The following OR6N2 variants were observed in gnomAD, a reference collection of about 807,000 sequenced individuals.
OR6N2 encodes olfactory receptor family 6 subfamily N member 2.
For synonymous variants in OR6N2, 160 were observed against 138.3 expected, an observed-to-expected ratio of 1.16 and a Z score of -1.10; for missense variants, 399 against 379.7, an observed-to-expected ratio of 1.05 and a Z score of -0.42.
In OR6N2 at chr1:158,776,723, T is replaced by C. The variant is rs140258151; in HGVS notation, c.913A>G (p.Ile305Val). ...KEIIKAIKRT[I>V]FQKGDKASLA... is the part of the protein sequence containing the mutation. ...CTAGCTTTATCTCCCTTCTGGAAGA[T>C]GGTCCTCTTGATAGCTTTAATGATT... The change falls in exon 2 of 2, where the codon ATC becomes GTC. Residue 305 changes from isoleucine to valine, a missense_variant. By Grantham distance (29) the Ile-to-Val change is conservative. Coordinates refer to ENST00000641131, the MANE Select transcript of OR6N2 (RefSeq NM_001005278.2). The C allele has an allele frequency of 1.6e-5, 26 of 1,612,346 alleles. No homozygotes were observed. The highest frequency in any genetic ancestry group is 2.0e-5 in the Non-Finnish European group (24 of 1,179,100).
At position 158,776,944 on chromosome 1, in the gene OR6N2, G is replaced by T. The variant is rs1415795693; in HGVS notation, c.692C>A (p.Ala231Glu). 8 of 1,613,902 alleles carry T rather than the reference G, an allele frequency of 5.0e-6. No individual in the cohort carries two copies. Among genetic ancestry groups the T allele is most frequent in the Non-Finnish European group, 5.9e-6 (7 of 1,179,956 alleles). The change falls in exon 2 of 2, where the codon GCA becomes GAA. Residue 231 changes from alanine (A) to glutamate (E), a missense_variant. Physicochemically the swap from Ala to Glu is moderately radical, Grantham distance 107. Coordinates refer to ENST00000641131, the MANE Select transcript of OR6N2 (RefSeq NM_001005278.2). ...IIGAVLKIKT[A>E]SGRKKAFSTC... ...AGAAAAGGCCTTCTTTCTTCCTGAT[G>T]CTGTTTTTATCTTCAGCACAGCCCC... is the stretch of plus-strand genomic sequence containing the variant.
At chr1:158,777,711 T>A (rs1332138467) in intron 1 of OR6N2, 70 bp from the exon 2 acceptor site, 9 of 828,672 alleles carry the variant, frequency 1.1e-5, no homozygotes, top group South Asian at 9.1e-5. Context: ...AAACTTCATT[T>A]CTCTCTCTCT....
At chr1:158,780,345 G>T (rs899335027) in intron 1 of OR6N2, among the ~76,000 whole-genome samples, 8 of 152,140 alleles carry the variant, frequency 5.3e-5, no homozygotes, top group Non-Finnish European at 4.4e-5. Flanking sequence ...GCACCCTAAA[G>T]GCCTCTGGAC....
In OR6N2 at chr1:158,777,422, A is replaced by G; in HGVS notation, c.214T>C (p.Trp72Arg). 1 of 1,614,196 alleles carries G rather than the reference A, an allele frequency of 6.2e-7. No homozygotes were observed. Among genetic ancestry groups the G allele is most frequent in the African/African-American group, 1.3e-5 (1 of 75,060 alleles). ...TTAGGGATAGTGGTAGCTGTATACC[A>G]CAACTCCAAGAAGGAAAGAACACTG... ...FVSVLSFLEL[W>R]YTATTIPKML... The change falls in exon 2 of 2, where the codon TGG becomes CGG. Residue 72 changes from tryptophan to arginine, a missense_variant. Physicochemically the swap from Trp to Arg is moderately radical, Grantham distance 101 (BLOSUM62 -3). Coordinates refer to ENST00000641131, the MANE Select transcript of OR6N2 (RefSeq NM_001005278.2).
At position 158,776,811 on chromosome 1, in the gene OR6N2, A is replaced by G; in HGVS notation, c.825T>C (p.Ala275=). 4 of 1,614,134 alleles carry G rather than the reference A, an allele frequency of 2.5e-6. No individual in the cohort carries two copies. The highest frequency in any genetic ancestry group is 3.4e-6 in the Non-Finnish European group (4 of 1,179,972). Reference sequence around the variant, plus strand: ...TTGGTGTTAGTACGGAGTAAACTATAGCAAGTGTTCGGTCAAGGGTCAGGG... The same window carrying G: ...TTGGTGTTAGTACGGAGTAAACTATGGCAAGTGTTCGGTCAAGGGTCAGGG... The part of the protein sequence containing the change: ...SYSLTLDRTL[A]IVYSVLTPMV... Residue 275 remains alanine (A), a synonymous_variant, in exon 2 of 2, where the codon GCT becomes GCC. Transcript: ENST00000641131.
At chr1:158,777,743 C>T (rs1394884188) in intron 1 of OR6N2, 102 bp from the exon 2 acceptor site, 5 of 671,390 alleles carry the variant, frequency 7.4e-6, no homozygotes, top group African/African-American at 7.3e-5. Context: ...AAAAGTAGCA[C>T]TGAAATTACT....
chr1:158,776,930 T>C lies in OR6N2; in HGVS notation c.706A>G (p.Lys236Glu). Residue 236 changes from lysine (K) to glutamate (E), a missense_variant, in exon 2 of 2, where the codon AAG becomes GAG. Coordinates refer to ENST00000641131, the MANE Select transcript of OR6N2 (RefSeq NM_001005278.2). ...TGTGAGGCACAGGTAGAAAAGGCCT[T>C]CTTTCTTCCTGATGCTGTTTTTATC... ...LKIKTASGRK[K>E]AFSTCASHLA... The C allele has an allele frequency of 1.2e-6, 2 of 1,613,980 alleles. No homozygotes were observed. Among genetic ancestry groups the C allele is most frequent in the Non-Finnish European group, 1.7e-6 (2 of 1,179,892 alleles).
In OR6N2 at chr1:158,777,557, G is replaced by T; in HGVS notation, c.79C>A (p.Leu27Ile). ...TATGCCAATAGCAGCAGGACAAAAA[G>T]CCAGCCCCTGACATAGCCCACACTG... ...FASVGYVRGW[L>I]FVLLLLAYLF... is the part of the protein sequence containing the mutation. The change falls in exon 2 of 2, where the codon CTT (leucine) becomes ATT (isoleucine). Residue 27 changes from leucine (L) to isoleucine (I), a missense_variant. Leu to Ile is a conservative substitution (Grantham distance 5). Coordinates refer to ENST00000641131, the MANE Select transcript of OR6N2 (RefSeq NM_001005278.2). 1 of 1,614,076 alleles carries T rather than the reference G, an allele frequency of 6.2e-7. No homozygotes were observed. Among genetic ancestry groups the T allele is most frequent in the Non-Finnish European group, 8.5e-7 (1 of 1,180,020 alleles).
chr1:158,777,436 G>A lies in OR6N2; in HGVS notation c.200C>T (p.Ser67Phe). The A allele has an allele frequency of 1.2e-6, 2 of 1,614,216 alleles. No individual in the cohort carries two copies. The highest frequency in any genetic ancestry group is 2.2e-5 in the South Asian group (2 of 91,080). ...AGCTGTATACCACAACTCCAAGAAGGAAAGAACACTGACAAAGTGGTACAT... is the reference window on the plus strand; with the variant it reads ...AGCTGTATACCACAACTCCAAGAAGAAAAGAACACTGACAAAGTGGTACAT... ...TPMYHFVSVL[S>F]FLELWYTATT... Residue 67 changes from serine to phenylalanine, a missense_variant, in exon 2 of 2, where the codon TCC becomes TTC. Physicochemically the swap from Ser to Phe is radical, Grantham distance 155 (BLOSUM62 -2). Coordinates refer to ENST00000641131, the MANE Select transcript of OR6N2 (RefSeq NM_001005278.2).
chr1:158,779,897 C>T (rs1428118936), intron 1 of OR6N2, among the ~76,000 whole-genome samples: 3 of 152,048 alleles, frequency 2.0e-5, no homozygotes, highest in Non-Finnish European at 4.4e-5. Context: ...GTCTGTCTTC[C>T]CCAAAAATTG....
At chr1:158,779,950 T>C (rs1164598561) in intron 1 of OR6N2, among the ~76,000 whole-genome samples, 1 of 152,242 alleles carries the variant, frequency 6.6e-6, no homozygotes, top group Non-Finnish European at 1.5e-5. Flanking sequence ...TTAATTATTA[T>C]ATATTTCCCT....
chr1:158,779,560 T>C (rs1657697164), intron 1 of OR6N2, among the ~76,000 whole-genome samples: 2 of 152,260 alleles, frequency 1.3e-5, no homozygotes, highest in Admixed American at 1.3e-4. Context: ...CTGGGTTTGA[T>C]ATTTTAGAAT....
intron 1 of OR6N2, among the ~76,000 whole-genome samples, chr1:158,780,186 G>A (rs2102017414): frequency 6.6e-6 from 1 of 152,286 alleles, no homozygotes; most frequent in East Asian, 1.9e-4. Context: ...CACTGACCCA[G>A]AGAAATTAAA....
intron 1 of OR6N2, 52 bp from the exon 2 acceptor site, chr1:158,777,693 C>A (rs978633804): frequency 2.7e-6 from 3 of 1,130,732 alleles, no homozygotes; most frequent in Non-Finnish European, 3.8e-6. Flanking sequence ...ACTGCTGAAT[C>A]CATGCCAAAA....
Position 158,776,737 on chromosome 1 carries a change from G to C in OR6N2, c.899C>G (p.Ala300Gly), listed in dbSNP as rs960500786. Residue 300 changes from alanine (A) to glycine (G), a missense_variant, in exon 2 of 2, where the codon GCT becomes GGT. Ala to Gly is a moderately conservative substitution (Grantham distance 60). Coordinates refer to ENST00000641131, the MANE Select transcript of OR6N2 (RefSeq NM_001005278.2). ...YSLRNKEIIK[A>G]IKRTIFQKGD... is the part of the protein sequence containing the mutation. ...CTTCTGGAAGATGGTCCTCTTGATA[G>C]CTTTAATGATTTCCTTGTTACGAAG... The C allele has an allele frequency of 8.7e-6, 14 of 1,613,616 alleles. No homozygotes were observed. The highest frequency in any genetic ancestry group is 4.0e-5 in the African/African-American group (3 of 74,936).
chr1:158,777,742 A>G, intron 1 of OR6N2, 101 bp from the exon 2 acceptor site: 3 of 672,804 alleles, frequency 4.5e-6, no homozygotes, highest in Non-Finnish European at 5.1e-6. Context: ...TAAAAGTAGC[A>G]CTGAAATTAC....
chr1:158,776,700 A>G lies in OR6N2; in HGVS notation c.936T>C (p.Ala312=). Residue 312 remains alanine (A), a synonymous_variant, in exon 2 of 2, where the codon GCT becomes GCC. Transcript: ENST00000641131. Reference sequence around the variant, plus strand: ...AAGAAAGTCAAAGATGAGCAAGACTAGCTTTATCTCCCTTCTGGAAGATGG... The same window carrying G: ...AAGAAAGTCAAAGATGAGCAAGACTGGCTTTATCTCCCTTCTGGAAGATGG... ...KRTIFQKGDK[A]SLAHL is the part of the protein sequence containing the mutation. 6.2e-7 allele frequency: 1 copy of G among 1,604,808 alleles called. No homozygotes were observed. Among genetic ancestry groups the G allele is most frequent in the Non-Finnish European group, 8.5e-7 (1 of 1,173,694 alleles).
intron 1 of OR6N2, among the ~76,000 whole-genome samples, chr1:158,778,025 T>A (rs116800204): frequency 1.3e-5 from 2 of 152,342 alleles, no homozygotes; most frequent in Non-Finnish European, 2.9e-5. Flanking sequence ...TCTAGCTCTA[T>A]ACTATATGAC....
chr1:158,779,833 A>G (rs1213795808), intron 1 of OR6N2, among the ~76,000 whole-genome samples: 1 of 152,096 alleles, frequency 6.6e-6, no homozygotes, highest in South Asian at 2.1e-4. Flanking sequence ...TTATTTATTC[A>G]TTTTCTATGC....
Sources: allele counts gnomAD v4.1 joint callset (sites outside exome capture counted in the v4.1 genomes callset), GRCh38; gene constraint gnomAD v4.1.1; transcripts MANE v1.5; gene names NCBI Gene and HGNC (gene_info 2026-07-23, HGNC 2026-07-21).